MAGI2: variants seen among roughly 807,000 people sequenced by gnomAD.
MAGI2 encodes membrane associated guanylate kinase, WW and PDZ domain containing 2.
In MAGI2, 35 loss-of-function variants were observed where a neutral mutation model predicts 133.3. The ratio of observed to expected loss-of-function variants is 0.26; its 90% CI spans 0.20 to 0.35. MAGI2 has a LOEUF of 0.35. Ranked by LOEUF, MAGI2 falls within the 10% of genes least tolerant of loss-of-function variation. MAGI2 has a pLI of 1.00. For synonymous variants in MAGI2, 729 were observed against 710.6 expected (o/e 1.03, Z -0.41); for missense variants, 1,636 against 1,863.4 (o/e 0.88, Z 2.25).
At chr7:78,773,952 A>T (rs1029747578) in intron 2 of MAGI2, among the ~76,000 whole-genome samples, 3 of 152,206 alleles carry the variant, frequency 2.0e-5, no homozygotes, top group Non-Finnish European at 4.4e-5. Context: ...AATTATAAGA[A>T]TTACCTGCAA....
At chr7:78,057,012 A>G (rs1384782074) in intron 21 of MAGI2, among the ~76,000 whole-genome samples, 1 of 149,960 alleles carries the variant, frequency 6.7e-6, no homozygotes, top group East Asian at 1.9e-4. Flanking sequence ...GAGATCCTAT[A>G]TATTTTATAT....
chr7:79,418,608 A>G (rs1352659647), intron 1 of MAGI2, among the ~76,000 whole-genome samples: 1 of 151,992 alleles, frequency 6.6e-6, no homozygotes, highest in Non-Finnish European at 1.5e-5. Context: ...TTTAGTTACC[A>G]TTTACCATTT....
Position 79,452,929 on chromosome 7 carries a change from C to A in MAGI2, c.301+91G>T. 1.4e-6 allele frequency: 2 copies of A among 1,379,750 alleles called. 1 individual carries two copies. Among genetic ancestry groups the A allele is most frequent in the South Asian group, 2.8e-5 (2 of 71,606 alleles). 85.5% of individuals were successfully genotyped at this position (1,379,750 alleles called of 1,614,324 possible). A position where few individuals can be genotyped will look rare whatever the true frequency, so the allele number is the denominator to read the frequency against. On this transcript the variant is annotated intron_variant, in intron 1 of 21. Coordinates refer to ENST00000354212, the MANE Select transcript of MAGI2 (RefSeq NM_012301.4). ...CCCACCCCATCATCGCGCAACACAC[C>A]CCCTTCAACATGCGCGGCCACCCTT... is the stretch of plus-strand genomic sequence containing the variant.
chr7:79,186,482 A>G (rs1430001705), intron 1 of MAGI2, among the ~76,000 whole-genome samples: 1 of 148,766 alleles, frequency 6.7e-6, no homozygotes, highest in African/African-American at 2.4e-5. Flanking sequence ...AACAAAAACA[A>G]TTGTGCAAGT....
chr7:79,362,931 T>C (rs1241025560), intron 1 of MAGI2, among the ~76,000 whole-genome samples: 1 of 151,838 alleles, frequency 6.6e-6, no homozygotes, highest in African/African-American at 2.4e-5. Flanking sequence ...TTCATTATAG[T>C]ACTGGCAATT....
intron 9 of MAGI2, among the ~76,000 whole-genome samples, chr7:78,308,594 T>C (rs1206319842): frequency 2.0e-5 from 3 of 152,046 alleles, no homozygotes; most frequent in Admixed American, 6.6e-5. Flanking sequence ...TACACCCCAT[T>C]TTCTTTGCCT....
chr7:79,239,247 A>C (rs1222006346), intron 1 of MAGI2, among the ~76,000 whole-genome samples: 1 of 152,186 alleles, frequency 6.6e-6, no homozygotes, highest in Non-Finnish European at 1.5e-5. Flanking sequence ...TATAAGCAGA[A>C]AAGTGGCTAA....
intron 1 of MAGI2, among the ~76,000 whole-genome samples, chr7:79,254,477 C>G (rs1055564302): frequency 2.0e-5 from 3 of 152,126 alleles, no homozygotes; most frequent in Non-Finnish European, 4.4e-5. Flanking sequence ...CCATTATTTT[C>G]TCTATCTTCT....
At chr7:78,271,502 T>C (rs953782999) in intron 9 of MAGI2, among the ~76,000 whole-genome samples, 1 of 152,196 alleles carries the variant, frequency 6.6e-6, no homozygotes, top group African/African-American at 2.4e-5. Context: ...TCTTTTTCTG[T>C]TGTTTGGGAT....
chr7:78,906,267 G>A (rs568651268), intron 2 of MAGI2, among the ~76,000 whole-genome samples: 4 of 152,242 alleles, frequency 2.6e-5, no homozygotes, highest in Middle Eastern at 6.8e-3. Context: ...TTCTGTCACC[G>A]CTAGAAAAGT....
rs560567092 is a variant in MAGI2 at position 78,957,029 on chromosome 7, C to T, written c.418+50061G>A. ...CTGTAATCCCAGCACTTTGGGAGGC[C>T]GAGGTGGGTGGATCACCTGAGGTTA... On this transcript the variant is annotated intron_variant, in intron 2 of 21. Coordinates refer to ENST00000354212, the MANE Select transcript of MAGI2 (RefSeq NM_012301.4). Among the ~76,000 whole-genome samples, 464 of 151,918 alleles carry T rather than the reference C, an allele frequency of 3.1e-3. 7 individuals carry two copies. Among genetic ancestry groups the T allele is most frequent in the African/African-American group, 0.011 (448 of 41,472 alleles).
At chr7:78,518,158 A>G (rs1276449515) in intron 4 of MAGI2, 6 of 152,200 alleles carry the variant, frequency 3.9e-5, no homozygotes, top group Non-Finnish European at 8.8e-5. Flanking sequence ...AATTTTTTAT[A>G]CACAGAGAAG....
rs190039678 is a variant in MAGI2 at position 78,283,439 on chromosome 7, G to A, written c.1409-26858C>T. Among the ~76,000 whole-genome samples, 1,048 of 152,192 alleles carry A rather than the reference G, an allele frequency of 6.9e-3. 10 individuals are homozygous for A. The highest frequency in any genetic ancestry group is 0.024 in the African/African-American group (991 of 41,536). On this transcript the variant is annotated intron_variant, in intron 9 of 21. Coordinates refer to ENST00000354212, the MANE Select transcript of MAGI2 (RefSeq NM_012301.4). ...CAAGAAAGAAGGTCAGTCTGATATT[G>A]TGTCAAACATATCCTTTATTAACCT...
chr7:78,538,083 A>T (rs1442510413), intron 3 of MAGI2, among the ~76,000 whole-genome samples: 1 of 152,114 alleles, frequency 6.6e-6, no homozygotes, highest in East Asian at 1.9e-4. Flanking sequence ...GTTGAATAGG[A>T]TGCCCTTTCC....
At chr7:79,063,537 A>G (rs573937503) in intron 1 of MAGI2, among the ~76,000 whole-genome samples, 5 of 152,076 alleles carry the variant, frequency 3.3e-5, no homozygotes, top group Non-Finnish European at 5.9e-5. Flanking sequence ...TACAGAGTGA[A>G]TATTAGAAAG....
intron 15 of MAGI2, among the ~76,000 whole-genome samples, chr7:78,162,116 A>G (rs1055843932): frequency 1.1e-4 from 17 of 152,210 alleles, no homozygotes; most frequent in Admixed American, 9.8e-4. Context: ...ATTAAATTGA[A>G]AATCTCCTCG....
chr7:78,955,774 TTTCTTTCTTTCTTTCA>T (rs1293402506), intron 2 of MAGI2, among the ~76,000 whole-genome samples: 1 of 124,892 alleles, frequency 8.0e-6, no homozygotes, highest in Non-Finnish European at 1.8e-5. Context: ...TCTTTCTTTC[TTTCTTTCTTTCTTTCA>T]TTTCTTTCGT....
chr7:78,572,342 C>T (rs550818046), intron 3 of MAGI2, among the ~76,000 whole-genome samples: 67 of 152,134 alleles, frequency 4.4e-4, no homozygotes, highest in Non-Finnish European at 5.6e-4. Flanking sequence ...GCAAATTTAA[C>T]ACTCTCATCA....
intron 2 of MAGI2, among the ~76,000 whole-genome samples, chr7:78,722,641 C>A (rs58176565): frequency 6.6e-6 from 1 of 152,050 alleles, no homozygotes; most frequent in Non-Finnish European, 1.5e-5. Flanking sequence ...AAACATCAGT[C>A]TCAGTGTGAT....
Sources: gnomAD v4.1 joint callset for allele counts (sites outside exome capture counted in the v4.1 genomes callset) on GRCh38, gnomAD v4.1.1 for gene constraint, MANE v1.5 for transcripts, NCBI Gene and HGNC (gene_info 2026-07-23, HGNC 2026-07-21) for gene names.